PDE3A: variants seen among roughly 807,000 people sequenced by gnomAD.
PDE3A encodes cGMP-inhibited 3',5'-cyclic phosphodiesterase 3A.
A neutral mutation model predicts 98.3 loss-of-function variants in PDE3A; 43 were observed. The observed-to-expected ratio is 0.44, with a 90% confidence interval of 0.34 to 0.56. The LOEUF (loss-of-function observed/expected upper bound fraction) is 0.56. Ranked by LOEUF, PDE3A falls within the 20% of genes least tolerant of loss-of-function variation. The pLI is 0.01. For missense variants in PDE3A, 1,427 were observed against 1,440.7 expected (o/e 0.99, Z 0.15); for synonymous variants, 663 against 567.9 (o/e 1.17, Z -2.38).
intron 4 of PDE3A, among the ~76,000 whole-genome samples, chr12:20,620,831 A>G (rs537832880): frequency 1.3e-5 from 2 of 152,028 alleles, no homozygotes; most frequent in East Asian, 3.9e-4. Flanking sequence ...AAAAAACACC[A>G]TTATTTATGA....
At chr12:20,433,571 G>A (rs908132173) in intron 1 of PDE3A, among the ~76,000 whole-genome samples, 1 of 151,904 alleles carries the variant, frequency 6.6e-6, no homozygotes, top group Admixed American at 6.6e-5. Flanking sequence ...CATTTATTTT[G>A]TCTGCAATCT....
intron 1 of PDE3A, among the ~76,000 whole-genome samples, chr12:20,519,449 C>G (rs1248014101): frequency 6.6e-6 from 1 of 152,090 alleles, no homozygotes; most frequent in Non-Finnish European, 1.5e-5. Flanking sequence ...ATTTTGATAT[C>G]CGCAATAATA....
intron 15 of PDE3A, among the ~76,000 whole-genome samples, chr12:20,674,146 A>AT (rs1046371115): frequency 2.2e-4 from 34 of 152,066 alleles, no homozygotes; most frequent in Non-Finnish European, 3.8e-4. Flanking sequence ...AATACTACTG[A>AT]TTTTTTTGTA....
At chr12:20,387,776 T>C (rs1210088510) in intron 1 of PDE3A, among the ~76,000 whole-genome samples, 1 of 152,002 alleles carries the variant, frequency 6.6e-6, no homozygotes, top group Non-Finnish European at 1.5e-5. Flanking sequence ...GTTTACATAC[T>C]GCTTGGGAAC....
intron 1 of PDE3A, among the ~76,000 whole-genome samples, chr12:20,494,908 G>GT (rs1945893077): frequency 6.6e-6 from 1 of 150,980 alleles, no homozygotes; most frequent in Non-Finnish European, 1.5e-5. Context: ...GAAGCCCTAT[G>GT]TTTTGATGGC....
chr12:20,568,279 T>C (rs188394140), intron 2 of PDE3A, among the ~76,000 whole-genome samples: 1 of 152,136 alleles, frequency 6.6e-6, no homozygotes, highest in East Asian at 1.9e-4. Context: ...AGTTCCTTTA[T>C]AAGTAAGTGC....
chr12:20,621,400 A>G lies in PDE3A; in HGVS notation c.1529A>G (p.Gln510Arg). ...GCTAACCATGTAAAGGCTAAAAAGC[A>G]AAGTCGACCAGGTAAGTAACTTAAC... ...SAANHVKAKK[Q>R]SRPGALAKIS... The change falls in exon 5 of 16, where the codon CAA (glutamine) becomes CGA (arginine). Residue 510 changes from glutamine to arginine, a missense_variant. Gln to Arg is a conservative substitution (Grantham distance 43). Transcript: ENST00000359062. The G allele has an allele frequency of 6.3e-7, 1 of 1,589,762 alleles. No homozygotes were observed. Among genetic ancestry groups the G allele is most frequent in the African/African-American group, 1.3e-5 (1 of 74,522 alleles).
chr12:20,577,628 T>C (rs769060534), intron 2 of PDE3A, among the ~76,000 whole-genome samples: 3 of 152,202 alleles, frequency 2.0e-5, no homozygotes, highest in Non-Finnish European at 2.9e-5. Context: ...ATAATCTCTT[T>C]ATGTTCATTA....
intron 1 of PDE3A, among the ~76,000 whole-genome samples, chr12:20,519,727 G>A (rs1248251031): frequency 6.6e-6 from 1 of 152,186 alleles, no homozygotes; most frequent in African/African-American, 2.4e-5. Flanking sequence ...AGCAAAGGAA[G>A]AGAAAGGGAT....
intron 1 of PDE3A, among the ~76,000 whole-genome samples, chr12:20,474,634 T>A (rs1259103295): frequency 6.6e-6 from 1 of 152,188 alleles, no homozygotes; most frequent in Non-Finnish European, 1.5e-5. Flanking sequence ...CTTTTCCACC[T>A]TCTAGAGCTT....
intron 1 of PDE3A, among the ~76,000 whole-genome samples, chr12:20,540,743 A>G (rs1424820985): frequency 1.3e-5 from 2 of 152,084 alleles, no homozygotes; most frequent in African/African-American, 4.8e-5. Flanking sequence ...AGGAAACTAA[A>G]GAATTTTTCT....
At chr12:20,443,812 A>G (rs1179241809) in intron 1 of PDE3A, among the ~76,000 whole-genome samples, 1 of 152,216 alleles carries the variant, frequency 6.6e-6, no homozygotes, top group African/African-American at 2.4e-5. Flanking sequence ...CTTATGGAAC[A>G]TCATTACTCT....
intron 8 of PDE3A, 141 bp downstream of exon 8, chr12:20,635,197 G>GT: frequency 1.5e-6 from 1 of 673,068 alleles, no homozygotes; most frequent in African/African-American, 1.8e-5. Flanking sequence ...GAAGCGGGCA[G>GT]ATCACGAGGT....
At chr12:20,432,475 G>C (rs374495483) in intron 1 of PDE3A, among the ~76,000 whole-genome samples, 3 of 152,236 alleles carry the variant, frequency 2.0e-5, no homozygotes, top group East Asian at 3.9e-4. Flanking sequence ...AAAAAGGTGG[G>C]AGGAAACTTC....
chr12:20,487,296 C>T (rs1056065269), intron 1 of PDE3A, among the ~76,000 whole-genome samples: 1 of 151,800 alleles, frequency 6.6e-6, no homozygotes, highest in Non-Finnish European at 1.5e-5. Context: ...TAAGATGTTA[C>T]AACTGATTCA....
chr12:20,438,734 C>T (rs764095476), intron 1 of PDE3A, among the ~76,000 whole-genome samples: 39 of 151,172 alleles, frequency 2.6e-4, no homozygotes, highest in Non-Finnish European at 4.6e-4. Flanking sequence ...ACCCATGATT[C>T]GTGGATTCTC....
intron 1 of PDE3A, among the ~76,000 whole-genome samples, chr12:20,476,606 A>T (rs1945535921): frequency 1.3e-5 from 2 of 152,300 alleles, no homozygotes; most frequent in South Asian, 4.1e-4. Flanking sequence ...CACCCTGTAA[A>T]TCTACAGCAG....
chr12:20,593,655 A>G (rs1943395516), intron 2 of PDE3A, among the ~76,000 whole-genome samples: 1 of 152,188 alleles, frequency 6.6e-6, no homozygotes, highest in Non-Finnish European at 1.5e-5. Flanking sequence ...CTAAGAGTCA[A>G]CGTGTCCAGT....
intron 2 of PDE3A, among the ~76,000 whole-genome samples, chr12:20,604,956 T>G (rs373148038): frequency 1.6e-4 from 25 of 152,308 alleles, no homozygotes; most frequent in African/African-American, 6.0e-4. Flanking sequence ...CATTCTGAGT[T>G]GAAAAGCCTT....
Sources: gnomAD v4.1 joint callset for allele counts (sites outside exome capture counted in the v4.1 genomes callset) on GRCh38, gnomAD v4.1.1 for gene constraint, MANE v1.5 for transcripts, NCBI Gene and HGNC (gene_info 2026-07-23, HGNC 2026-07-21) for gene names.